Variants in ZNF91 observed in about 807,000 individuals in gnomAD.
ZNF91 encodes the protein zinc finger protein 91, also known as zinc finger protein 91 (HPF7, HTF10).
Under a neutral mutation model 12.6 loss-of-function variants are expected in ZNF91, and 7 were observed. That is an observed-to-expected ratio of 0.55 (90% CI 0.31 to 1.04). The LOEUF is 1.04. Among genes scored for constraint, ZNF91 ranks in the 50% least tolerant of loss-of-function variants. The pLI, the probability that ZNF91 is intolerant of heterozygous loss-of-function variation, is 0.05. For synonymous variants in ZNF91, 453 were observed against 462.6 expected (o/e 0.98, Z 0.27); for missense variants, 1,217 against 1,385.4 (o/e 0.88, Z 1.93).
intron 1 of ZNF91, chr19:23,380,399 T>C (rs1969668811): frequency 6.6e-6 from 1 of 151,052 alleles, no homozygotes; most frequent in African/African-American, 2.4e-5. Flanking sequence ...TAAGCCACAG[T>C]TTCTATTTAT....
chr19:23,391,719 T>C (rs1970069269), intron 1 of ZNF91, among the ~76,000 whole-genome samples: 1 of 152,144 alleles, frequency 6.6e-6, no homozygotes, highest in South Asian at 2.1e-4. Flanking sequence ...TTGCCAGCTT[T>C]CCAGGGCTCT....
chr19:23,389,596 T>G lies in ZNF91; in HGVS notation c.30+5729A>C, dbSNP rs529538437. Among the ~76,000 whole-genome samples, 6 of 152,198 alleles carry G rather than the reference T, an allele frequency of 3.9e-5. No homozygotes were observed. The East Asian group carries it at 1.2e-3, about 29-fold the overall frequency. On this transcript the variant is annotated intron_variant, in intron 1 of 3. Coordinates refer to ENST00000300619, the MANE Select transcript of ZNF91 (RefSeq NM_003430.4). ...CCTTTCCTCTAAGTTTTAGGTCCTC[T>G]GTCACCCTGGAAGGGGAGCTGGAAT...
At chr19:23,386,794 A>C (rs1314107723) in intron 1 of ZNF91, among the ~76,000 whole-genome samples, 1 of 152,226 alleles carries the variant, frequency 6.6e-6, no homozygotes, top group East Asian at 1.9e-4. Flanking sequence ...AACAAAAGTA[A>C]AAATTGACAA....
chr19:23,323,453 CTCT>C (rs1361048228), intron 1 of ZNF91, among the ~76,000 whole-genome samples: 1 of 135,894 alleles, frequency 7.4e-6, no homozygotes, highest in African/African-American at 3.0e-5. Flanking sequence ...CTTTTTTCTC[CTCT>C]ACTTCTCTGT....
In ZNF91 at chr19:23,360,964, G is replaced by C. The variant is rs748027939; in HGVS notation, c.2015C>G (p.Thr672Ser). The C allele has an allele frequency of 1.9e-6, 3 of 1,613,178 alleles. No individual in the cohort carries two copies. In the South Asian group the frequency reaches 3.3e-5, roughly 18 times the overall value. The change falls in exon 4 of 4, where the codon ACC becomes AGC. Residue 672 changes from threonine (T) to serine (S), a missense_variant. Thr to Ser is a moderately conservative substitution (Grantham distance 58). Transcript: ENST00000300619. ...ECGKAFSNSSTLANHKITHTE... is the reference protein window; with the variant it reads ...ECGKAFSNSSSLANHKITHTE... ...ATGAGTTATCTTATGATTAGCAAGG[G>C]TTGAGGAATTGCTAAAAGCTTTGCC...
At chr19:23,357,616 T>C (rs911579698), downstream of ZNF91, 5 of 152,218 alleles carry the variant, frequency 3.3e-5, no homozygotes, top group African/African-American at 1.2e-4. Flanking sequence ...ACAGTCCATA[T>C]GTGCTTGCAG....
intron 2 of ZNF91, 63 bp downstream of exon 2, chr19:23,374,575 A>AG: frequency 2.8e-6 from 4 of 1,447,664 alleles, no homozygotes; most frequent in Admixed American, 4.4e-5. Context: ...AAAAAAAAAA[A>AG]AAAAAGAAAA....
At chr19:23,379,414 C>T (rs538527965) in intron 1 of ZNF91, among the ~76,000 whole-genome samples, 1 of 152,186 alleles carries the variant, frequency 6.6e-6, no homozygotes, top group South Asian at 2.1e-4. Context: ...CCAGAGAAAC[C>T]ACAGTAATAG....
At chr19:23,318,826 C>T (rs1439300420) in intron 1 of ZNF91, among the ~76,000 whole-genome samples, 2 of 152,146 alleles carry the variant, frequency 1.3e-5, no homozygotes, top group African/African-American at 4.8e-5. Flanking sequence ...TATCTCTGGG[C>T]CCATTACCTA....
At chr19:23,323,494 A>C (rs1238978149) in intron 1 of ZNF91, among the ~76,000 whole-genome samples, 1 of 109,252 alleles carries the variant, frequency 9.2e-6, no homozygotes, top group African/African-American at 4.1e-5. Context: ...TCTTCCTATC[A>C]TCCTCCTTTT....
chr19:23,373,849 A>G lies in ZNF91; in HGVS notation c.158-12T>C. On this transcript the variant is annotated splice_polypyrimidine_tract_variant and intron_variant, in intron 2 of 3. Coordinates refer to ENST00000300619, the MANE Select transcript of ZNF91 (RefSeq NM_003430.4). ...AGAGAGAGCAATACCTGTTTTATTA[A>G]AAATAACTAACATGAGTCTTGCTCA... 6.3e-7 allele frequency: 1 copy of G among 1,589,290 alleles called. No homozygotes were observed. Among genetic ancestry groups the G allele is most frequent in the Non-Finnish European group, 8.6e-7 (1 of 1,166,056 alleles).
At chr19:23,343,449 A>G (rs2145010066) in intron 3 of ZNF91, among the ~76,000 whole-genome samples, 1 of 152,342 alleles carries the variant, frequency 6.6e-6, no homozygotes, top group Non-Finnish European at 1.5e-5. Context: ...GACAGCCTTC[A>G]TTTTCCAAAG....
intron 1 of ZNF91, among the ~76,000 whole-genome samples, chr19:23,331,659 T>C (rs1291215359): frequency 2.0e-5 from 3 of 152,270 alleles, no homozygotes; most frequent in East Asian, 1.9e-4. Context: ...GTGGTGAACA[T>C]GGTGGTCTGT....
At chr19:23,366,103 G>A (rs1290493064) in intron 3 of ZNF91, among the ~76,000 whole-genome samples, 1 of 152,170 alleles carries the variant, frequency 6.6e-6, no homozygotes, top group Non-Finnish European at 1.5e-5. Context: ...AGACGGGGTG[G>A]TGGCCGGGCA....
intron 3 of ZNF91, among the ~76,000 whole-genome samples, chr19:23,351,002 G>A (rs1045098833): frequency 2.0e-5 from 3 of 152,008 alleles, no homozygotes; most frequent in African/African-American, 4.8e-5. Flanking sequence ...CTTGCAATCC[G>A]CACCTGCCCA....
At chr19:23,345,222 T>A (rs1321749808) in intron 3 of ZNF91, among the ~76,000 whole-genome samples, 1 of 152,138 alleles carries the variant, frequency 6.6e-6, no homozygotes. Context: ...GGTCCCCTTT[T>A]CCCTGTTCTC....
intron 1 of ZNF91, chr19:23,385,274 T>A: frequency 2.0e-6 from 1 of 503,604 alleles, no homozygotes. Flanking sequence ...GGGCTGAATG[T>A]CACGGAAAAA....
intron 1 of ZNF91, among the ~76,000 whole-genome samples, chr19:23,389,858 C>T (rs1970001309): frequency 6.6e-6 from 1 of 152,166 alleles, no homozygotes; most frequent in Non-Finnish European, 1.5e-5. Flanking sequence ...ACAACATTGT[C>T]CTCACTGCAG....
At chr19:23,350,012 C>T (rs1568376832) in intron 3 of ZNF91, among the ~76,000 whole-genome samples, 1 of 152,092 alleles carries the variant, frequency 6.6e-6, no homozygotes. Context: ...AATTAGACTA[C>T]AGGGGGTTCT....
Sources: gnomAD v4.1 joint callset for allele counts (sites outside exome capture counted in the v4.1 genomes callset) on GRCh38, gnomAD v4.1.1 for gene constraint, MANE v1.5 for transcripts, NCBI Gene and HGNC (gene_info 2026-07-23, HGNC 2026-07-21) for gene names.